Variants in EPHA6 observed in about 807,000 individuals in gnomAD.
EPHA6 encodes ephrin type-A receptor 6.
A neutral mutation model predicts 112.0 loss-of-function variants in EPHA6; 50 were observed. The observed-to-expected ratio is 0.45, with a 90% CI of 0.36 to 0.56. EPHA6 has a LOEUF of 0.56. Among genes scored for constraint, EPHA6 ranks in the 20% least tolerant of loss-of-function variants. The pLI is 0.00. For missense variants in EPHA6, 1,280 were observed against 1,417.4 expected (o/e 0.90, Z 1.56); for synonymous variants, 529 against 490.7 (o/e 1.08, Z -1.03).
At chr3:97,191,960 G>A (rs778326410) in intron 3 of EPHA6, among the ~76,000 whole-genome samples, 28 of 152,122 alleles carry the variant, frequency 1.8e-4, no homozygotes, top group Non-Finnish European at 2.2e-4. Flanking sequence ...AGCATATGAA[G>A]ATTCCCTTTT....
At chr3:96,980,371 G>T (rs536975353) in intron 2 of EPHA6, among the ~76,000 whole-genome samples, 2 of 152,074 alleles carry the variant, frequency 1.3e-5, no homozygotes, top group Non-Finnish European at 2.9e-5. Context: ...TAGATGTGTG[G>T]TATTATTTCT....
chr3:96,995,925 C>A (rs545078599), intron 3 of EPHA6, among the ~76,000 whole-genome samples: 5 of 152,004 alleles, frequency 3.3e-5, no homozygotes, highest in Non-Finnish European at 7.4e-5. Flanking sequence ...ATGAAGTTAG[C>A]CACTTCAGTT....
chr3:97,008,422 A>C (rs1291828438), intron 3 of EPHA6, among the ~76,000 whole-genome samples: 2 of 152,150 alleles, frequency 1.3e-5, no homozygotes, highest in East Asian at 3.9e-4. Flanking sequence ...TGTATGCTTC[A>C]TGAAGTTCTT....
intron 5 of EPHA6, among the ~76,000 whole-genome samples, chr3:97,348,774 G>A (rs2083659144): frequency 6.6e-6 from 1 of 152,016 alleles, no homozygotes; most frequent in Admixed American, 6.6e-5. Flanking sequence ...CATGGGGCAG[G>A]ATAGTCTGGG....
intron 10 of EPHA6, among the ~76,000 whole-genome samples, chr3:97,522,181 G>C (rs2092554420): frequency 6.6e-6 from 1 of 152,144 alleles, no homozygotes; most frequent in Non-Finnish European, 1.5e-5. Context: ...CAATTAGCTA[G>C]GATTACAGGC....
intron 5 of EPHA6, among the ~76,000 whole-genome samples, chr3:97,388,924 A>G (rs1224265607): frequency 6.6e-6 from 1 of 152,144 alleles, no homozygotes; most frequent in East Asian, 1.9e-4. Flanking sequence ...AGGCCAGGAA[A>G]CACCATCATT....
chr3:97,334,021 G>A (rs924891280), intron 5 of EPHA6, among the ~76,000 whole-genome samples: 3 of 151,856 alleles, frequency 2.0e-5, no homozygotes, highest in African/African-American at 7.3e-5. Flanking sequence ...AGTGAGTGTT[G>A]GAATTTGTCA....
intron 5 of EPHA6, among the ~76,000 whole-genome samples, chr3:97,366,942 G>C (rs999253244): frequency 2.0e-5 from 3 of 152,170 alleles, no homozygotes; most frequent in African/African-American, 7.2e-5. Flanking sequence ...ACTATTCTCA[G>C]CGCTTTACAC....
chr3:97,755,874 G>A lies in EPHA6; in HGVS notation c.*7173G>A, dbSNP rs1202181769. Among the ~76,000 whole-genome samples, 1 of 151,996 alleles carries A rather than the reference G, an allele frequency of 6.6e-6. No individual in the cohort carries two copies. Among genetic ancestry groups the A allele is most frequent in the Non-Finnish European group, 1.5e-5 (1 of 67,880 alleles). ...TTTTTCAAAATCATGATAGGGAGAA[G>A]AATGCTAATTTGTAAAGATAGGCAA... On this transcript the variant is annotated 3_prime_UTR_variant, in exon 18 of 18. Transcript: ENST00000389672.
chr3:97,405,446 TATTG>T (rs1170019947), intron 6 of EPHA6, among the ~76,000 whole-genome samples, 172 bp downstream of exon 6: 3 of 152,250 alleles, frequency 2.0e-5, no homozygotes, highest in South Asian at 2.1e-4. Flanking sequence ...GCTTGTAAGT[TATTG>T]ATTAATTTAT....
chr3:96,935,131 A>G (rs1388037360), intron 2 of EPHA6, among the ~76,000 whole-genome samples: 2 of 151,824 alleles, frequency 1.3e-5, no homozygotes, highest in African/African-American at 4.8e-5. Flanking sequence ...AATACTTACC[A>G]TGTTCGTTTT....
intron 15 of EPHA6, 91 bp downstream of exon 15, chr3:97,720,501 G>A (rs888465313): frequency 5.8e-5 from 70 of 1,201,824 alleles, no homozygotes; most frequent in Admixed American, 5.5e-5. Flanking sequence ...ACTCAGATTG[G>A]CCTTTATCTT....
chr3:97,027,752 G>T (rs2044692332), intron 3 of EPHA6, among the ~76,000 whole-genome samples: 1 of 151,992 alleles, frequency 6.6e-6, no homozygotes, highest in African/African-American at 2.4e-5. Context: ...CTTTCCCAGG[G>T]GCATACTGCC....
At chr3:97,730,634 C>G (rs1180801526) in intron 15 of EPHA6, among the ~76,000 whole-genome samples, 1 of 152,058 alleles carries the variant, frequency 6.6e-6, no homozygotes, top group African/African-American at 2.4e-5. Flanking sequence ...ATGCTGCTCC[C>G]TGTCAGTCCT....
Position 96,987,888 on chromosome 3 carries a change from C to A in EPHA6, c.1009C>A (p.Arg337Ser), listed in dbSNP as rs1345769003. ...TTCTTGTGTGAAGAGTGCTGAAGAGCGTGACACTCCTAAACTGTATTGTGG... is the reference window on the plus strand; with the variant it reads ...TTCTTGTGTGAAGAGTGCTGAAGAGAGTGACACTCCTAAACTGTATTGTGG... ...RGSCVKSAEERDTPKLYCGAD... is the reference protein window; with the variant it reads ...RGSCVKSAEESDTPKLYCGAD... Residue 337 changes from arginine to serine, a missense_variant, in exon 3 of 18, where the codon CGT becomes AGT. Transcript: ENST00000389672. 1 of 1,613,624 alleles carries A rather than the reference C, an allele frequency of 6.2e-7. No individual in the cohort carries two copies. The highest frequency in any genetic ancestry group is 8.5e-7 in the Non-Finnish European group (1 of 1,179,798).
At chr3:97,731,619 T>G (rs1007492540) in intron 15 of EPHA6, among the ~76,000 whole-genome samples, 4 of 152,070 alleles carry the variant, frequency 2.6e-5, no homozygotes, top group Admixed American at 2.6e-4. Context: ...GACCCAATCT[T>G]TTAATCAGTT....
intron 3 of EPHA6, among the ~76,000 whole-genome samples, chr3:97,131,591 A>G (rs1266586315): frequency 6.6e-6 from 1 of 152,142 alleles, no homozygotes; most frequent in Non-Finnish European, 1.5e-5. Context: ...CATTCTTCCA[A>G]GAAAGGATAA....
intron 3 of EPHA6, among the ~76,000 whole-genome samples, chr3:97,174,439 G>A (rs371589558): frequency 3.3e-5 from 5 of 151,808 alleles, no homozygotes; most frequent in African/African-American, 1.2e-4. Flanking sequence ...TGGATCATGT[G>A]GTAGCTCAAT....
chr3:97,158,080 T>C (rs2076330812), intron 3 of EPHA6, among the ~76,000 whole-genome samples: 2 of 152,172 alleles, frequency 1.3e-5, no homozygotes, highest in Non-Finnish European at 1.5e-5. Flanking sequence ...TTATCCTGTG[T>C]ACAACCAAAA....
Sources: allele counts gnomAD v4.1 joint callset (sites outside exome capture counted in the v4.1 genomes callset), GRCh38; gene constraint gnomAD v4.1.1; transcripts MANE v1.5; gene names NCBI Gene and HGNC (gene_info 2026-07-23, HGNC 2026-07-21).